Variants in MINDY4 observed in about 807,000 individuals in gnomAD.
MINDY4 encodes MINDY lysine 48 deubiquitinase 4.
MINDY4 carries 68 observed loss-of-function variants against 87.0 expected under a neutral mutation model. The observed-to-expected ratio is 0.78, with a 90% CI of 0.64 to 0.96. The LOEUF is 0.96. Among genes scored for constraint, MINDY4 ranks in the 40% least tolerant of loss-of-function variants. MINDY4 has a pLI of 0.00. For missense variants in MINDY4, 919 were observed against 928.2 expected (o/e 0.99, Z 0.13); for synonymous variants, 379 against 363.2 (o/e 1.04, Z -0.50).
At chr7:30,872,154 G>A (rs1790124552) in intron 13 of MINDY4, 89 bp from the exon 14 acceptor site, 4 of 1,232,220 alleles carry the variant, frequency 3.2e-6, no homozygotes, top group Non-Finnish European at 3.5e-6. Flanking sequence ...GTCTTAGCCT[G>A]GAACCTAAGG....
At chr7:30,880,300 G>GCC (rs1357350063) in intron 15 of MINDY4, among the ~76,000 whole-genome samples, 2 of 50,780 alleles carry the variant, frequency 3.9e-5, no homozygotes, top group African/African-American at 1.4e-4. Flanking sequence ...GCCCTCCCCC[G>GCC]CACCCCCCCC....
At chr7:30,860,352 G>T (rs1402279169) in intron 13 of MINDY4, among the ~76,000 whole-genome samples, 1 of 152,126 alleles carries the variant, frequency 6.6e-6, no homozygotes, top group Non-Finnish European at 1.5e-5. Context: ...CAGGCTGCCT[G>T]CTGCTTGCTG....
chr7:30,871,056 G>A (rs1478357534), intron 13 of MINDY4, among the ~76,000 whole-genome samples: 7 of 151,448 alleles, frequency 4.6e-5, no homozygotes, highest in South Asian at 2.1e-4. Flanking sequence ...CCCCTGGGTC[G>A]TGTGTACCCC....
intron 15 of MINDY4, among the ~76,000 whole-genome samples, chr7:30,878,198 G>T (rs1722823489): frequency 6.6e-6 from 1 of 152,064 alleles, no homozygotes; most frequent in African/African-American, 2.4e-5. Flanking sequence ...GAACAGCCTG[G>T]GCCATGACGT....
intron 9 of MINDY4, among the ~76,000 whole-genome samples, chr7:30,849,232 C>T (rs530420878): frequency 1.1e-4 from 16 of 152,288 alleles, no homozygotes; most frequent in Admixed American, 3.9e-4. Context: ...TCCTCCCCAG[C>T]ACAGTTCCGC....
intron 5 of MINDY4, among the ~76,000 whole-genome samples, chr7:30,810,407 G>A (rs1287420769): frequency 3.3e-5 from 5 of 150,812 alleles, no homozygotes; most frequent in Admixed American, 6.6e-5. Context: ...TTGGTAAAAG[G>A]ATTATAAGGA....
chr7:30,796,322 C>T (rs1239002621), intron 5 of MINDY4, among the ~76,000 whole-genome samples: 1 of 152,042 alleles, frequency 6.6e-6, no homozygotes, highest in Non-Finnish European at 1.5e-5. Context: ...AAGCAGCAGG[C>T]TTAGGTGAGG....
intron 17 of MINDY4, among the ~76,000 whole-genome samples, chr7:30,883,690 G>T (rs187644780): frequency 4.6e-5 from 7 of 152,162 alleles, no homozygotes; most frequent in African/African-American, 1.7e-4. Flanking sequence ...CCCTTGCCCC[G>T]GCAGGCCCTT....
chr7:30,815,230 G>A (rs1788112190), intron 5 of MINDY4, among the ~76,000 whole-genome samples: 1 of 152,198 alleles, frequency 6.6e-6, no homozygotes, highest in African/African-American at 2.4e-5. Context: ...CTTCCCTTTT[G>A]TCATGCCAAG....
chr7:30,877,761 T>C (rs1428415585), intron 15 of MINDY4, among the ~76,000 whole-genome samples: 2 of 133,894 alleles, frequency 1.5e-5, no homozygotes, highest in Non-Finnish European at 3.1e-5. Context: ...AACCTCTGCC[T>C]CCTCTGTTCA....
At chr7:30,833,537 G>A (rs1788770085) in intron 6 of MINDY4, among the ~76,000 whole-genome samples, 1 of 152,182 alleles carries the variant, frequency 6.6e-6, no homozygotes, top group South Asian at 2.1e-4. Context: ...GGGACACAGA[G>A]CCAAGCCATA....
At chr7:30,799,423 C>A (rs571832209) in intron 5 of MINDY4, among the ~76,000 whole-genome samples, 1 of 152,180 alleles carries the variant, frequency 6.6e-6, no homozygotes, top group Non-Finnish European at 1.5e-5. Context: ...CACTCCCAGC[C>A]CTGAGTATGA....
Position 30,852,217 on chromosome 7 carries a change from G to A in MINDY4, c.1549G>A (p.Ala517Thr), listed in dbSNP as rs201132541. The A allele has an allele frequency of 6.2e-7, 1 of 1,614,064 alleles. No homozygotes were observed. The highest frequency in any genetic ancestry group is 8.5e-7 in the Non-Finnish European group (1 of 1,179,986). The change falls in exon 11 of 18, where the codon GCT becomes ACT. Residue 517 changes from alanine (A) to threonine (T), a missense_variant and splice_region_variant. Coordinates refer to ENST00000265299, the MANE Select transcript of MINDY4 (RefSeq NM_032222.3). ...GGRERAVVAL[A>T]SRTQQFSPTG... is the part of the protein sequence containing the mutation. Reference sequence around the variant, plus strand: ...CATGCACCTTCCTTTCCTTTTTAGGGCTTCGAGAACACAGCAGTTCAGTCC... The same window carrying A: ...CATGCACCTTCCTTTCCTTTTTAGGACTTCGAGAACACAGCAGTTCAGTCC...
At position 30,802,130 on chromosome 7, in the gene MINDY4, A is replaced by G. The variant is rs563897516; in HGVS notation, c.1073+10556A>G. Among the ~76,000 whole-genome samples the G allele has an allele frequency of 2.0e-4, 31 of 151,826 alleles. 1 individual carries two copies. In the South Asian group the frequency reaches 6.5e-3, roughly 32 times the overall value. On this transcript the variant is annotated intron_variant, in intron 5 of 17. Coordinates refer to ENST00000265299, the MANE Select transcript of MINDY4 (RefSeq NM_032222.3). ...TCTTTCCTGTATTCCTTTTTTTCTC[A>G]CTCCAAGATGCTTTTGTGCTGCTCT...
chr7:30,818,711 A>G (rs1371839035), intron 5 of MINDY4, among the ~76,000 whole-genome samples: 4 of 152,180 alleles, frequency 2.6e-5, no homozygotes, highest in Non-Finnish European at 5.9e-5. Context: ...CTCTTCGTGT[A>G]TATGTTGGGG....
intron 2 of MINDY4, 142 bp downstream of exon 2, chr7:30,778,693 C>A: frequency 5.2e-6 from 5 of 953,286 alleles, no homozygotes; most frequent in Non-Finnish European, 8.1e-6. Context: ...ACGGACCCCC[C>A]AAATGTGGAC....
chr7:30,861,694 A>T lies in MINDY4; in HGVS notation c.1745+2370A>T, dbSNP rs184811610. Among the ~76,000 whole-genome samples the T allele has an allele frequency of 3.4e-3, 525 of 152,372 alleles. 5 individuals carry two copies. The highest frequency in any genetic ancestry group is 0.012 in the African/African-American group (493 of 41,590). ...GCTTAGCACAGCTCCTGGTGGGTAC[A>T]AGCCGGGAATAATGGCCACGGCTGG... On this transcript the variant is annotated intron_variant, in intron 13 of 17. Transcript: ENST00000265299.
Position 30,892,126 on chromosome 7 carries a change from A to G in MINDY4, c.*121A>G. ...CCCCAACCTGGGTCAGCATGACTGC[A>G]GAAGCATCCAGAGCCTCCCTGCCCC... On this transcript the variant is annotated 3_prime_UTR_variant, in exon 18 of 18. Transcript: ENST00000265299. 9.7e-7 allele frequency: 1 copy of G among 1,028,652 alleles called. No homozygotes were observed. The allele number at this position is 1,028,652 out of a possible 1,614,324, so 63.7% of individuals were successfully genotyped here. A position where few individuals can be genotyped will look rare whatever the true frequency, so the allele number is the denominator to read the frequency against.
intron 4 of MINDY4, among the ~76,000 whole-genome samples, chr7:30,789,064 A>G (rs937374914): frequency 5.9e-5 from 9 of 152,182 alleles, no homozygotes; most frequent in Admixed American, 1.3e-4. Context: ...AAGTCAACAC[A>G]GTGGAAAAAG....
Sources: gnomAD v4.1 joint callset for allele counts (sites outside exome capture counted in the v4.1 genomes callset) on GRCh38, gnomAD v4.1.1 for gene constraint, MANE v1.5 for transcripts, NCBI Gene and HGNC (gene_info 2026-07-23, HGNC 2026-07-21) for gene names.